Variants in COP1 observed in about 807,000 individuals in gnomAD.
COP1 encodes the protein COP1 E3 ubiquitin ligase, also known as E3 ubiquitin-protein ligase COP1.
Under a neutral mutation model 101.3 loss-of-function variants are expected in COP1, and 24 were observed. That is an observed-to-expected ratio of 0.24 (90% CI 0.17 to 0.33). The LOEUF (loss-of-function observed/expected upper bound fraction) is 0.33, where lower values mean the gene tolerates loss of function less well. Ranked by LOEUF, COP1 falls within the 10% of genes least tolerant of loss-of-function variation. The pLI is 1.00. For missense variants in COP1, 663 were observed against 906.2 expected (o/e 0.73, Z 3.45); for synonymous variants, 347 against 341.9 (o/e 1.01, Z -0.17).
At chr1:176,168,492 G>A (rs1695504176) in intron 3 of COP1, among the ~76,000 whole-genome samples, 1 of 88,612 alleles carries the variant, frequency 1.1e-5, no homozygotes, top group South Asian at 4.8e-4. Flanking sequence ...CAGGAAGGGA[G>A]GGAAGAAGGA....
chr1:176,067,163 T>C (rs1313020887), intron 11 of COP1, among the ~76,000 whole-genome samples: 1 of 152,128 alleles, frequency 6.6e-6, no homozygotes, highest in East Asian at 1.9e-4. Context: ...GACCCCCTCA[T>C]GTAGACTTTG....
At chr1:176,131,711 T>C (rs943123324) in intron 8 of COP1, among the ~76,000 whole-genome samples, 3 of 151,744 alleles carry the variant, frequency 2.0e-5, no homozygotes, top group Non-Finnish European at 4.4e-5. Flanking sequence ...ATGAATAGTA[T>C]TATAAAAGAT....
chr1:176,168,096 C>T (rs1695418095), intron 3 of COP1, among the ~76,000 whole-genome samples: 1 of 151,354 alleles, frequency 6.6e-6, no homozygotes, highest in Admixed American at 6.6e-5. Flanking sequence ...CTCGCCCTGT[C>T]GCCCAGGCTG....
At chr1:176,040,048 A>G (rs1174876931) in intron 14 of COP1, among the ~76,000 whole-genome samples, 3 of 152,230 alleles carry the variant, frequency 2.0e-5, no homozygotes, top group African/African-American at 7.2e-5. Flanking sequence ...GATTTCTTGG[A>G]TATGACACCA....
chr1:176,016,023 A>C (rs1214283026), intron 15 of COP1, among the ~76,000 whole-genome samples: 1 of 152,222 alleles, frequency 6.6e-6, no homozygotes, highest in Non-Finnish European at 1.5e-5. Context: ...ATCAACAGGA[A>C]AATTAACAAA....
chr1:176,168,519 A>AGGGG (rs1695520029), intron 3 of COP1: 1 of 31,390 alleles, frequency 3.2e-5, no homozygotes, highest in African/African-American at 1.2e-4. Flanking sequence ...GGAGGGAGGG[A>AGGGG]GGGAGGGGAA....
chr1:176,142,805 T>C (rs563557343), intron 6 of COP1, among the ~76,000 whole-genome samples: 3 of 151,474 alleles, frequency 2.0e-5, no homozygotes, highest in Admixed American at 6.6e-5. Context: ...TAATGAAAAT[T>C]AGAAATTATT....
At chr1:175,977,873 ATT>A (rs1654949257) in intron 18 of COP1, among the ~76,000 whole-genome samples, 1 of 152,140 alleles carries the variant, frequency 6.6e-6, no homozygotes, top group South Asian at 2.1e-4. Flanking sequence ...TATTACACCA[ATT>A]CAAATAGTAT....
At chr1:175,995,624 C>A (rs1047888694) in intron 15 of COP1, among the ~76,000 whole-genome samples, 5 of 152,176 alleles carry the variant, frequency 3.3e-5, no homozygotes, top group African/African-American at 1.2e-4. Flanking sequence ...AACACCTCTA[C>A]ACAAATAAAC....
chr1:176,179,824 A>T (rs1404792427), intron 2 of COP1, among the ~76,000 whole-genome samples: 1 of 151,802 alleles, frequency 6.6e-6, no homozygotes, highest in Non-Finnish European at 1.5e-5. Context: ...TCCTAATCTT[A>T]TTCCACATCA....
At chr1:176,188,834 TACAC>T (rs10637320) in intron 1 of COP1, among the ~76,000 whole-genome samples, 9 of 148,508 alleles carry the variant, frequency 6.1e-5, no homozygotes, top group South Asian at 2.1e-4. Context: ...AACACATAGA[TACAC>T]ACACACACAC....
chr1:175,953,352 T>C (rs977433697), intron 18 of COP1, among the ~76,000 whole-genome samples: 22 of 151,860 alleles, frequency 1.4e-4, no homozygotes, highest in Non-Finnish European at 1.5e-5. Flanking sequence ...ATGACAGACA[T>C]AAAACCAACT....
At chr1:176,179,696 C>T (rs1697474777) in intron 2 of COP1, among the ~76,000 whole-genome samples, 1 of 152,056 alleles carries the variant, frequency 6.6e-6, no homozygotes. Flanking sequence ...ATGTTTGCAC[C>T]ACTGCACTCC....
intron 12 of COP1, among the ~76,000 whole-genome samples, chr1:176,045,890 C>A (rs1232490077): frequency 5.3e-5 from 8 of 151,632 alleles, no homozygotes. Flanking sequence ...ATTCAGTACT[C>A]CATAGAGTCT....
intron 3 of COP1, 23 bp from the exon 4 acceptor site, chr1:176,163,914 A>C: frequency 6.7e-7 from 1 of 1,488,880 alleles, no homozygotes; most frequent in Non-Finnish European, 9.3e-7. Context: ...ACAAAATAAA[A>C]AGCACACATA....
At chr1:176,019,395 G>A (rs999717365) in intron 15 of COP1, among the ~76,000 whole-genome samples, 41 of 147,610 alleles carry the variant, frequency 2.8e-4, no homozygotes, top group African/African-American at 8.7e-4. Context: ...CCTGGGAGGC[G>A]GAGGTTGCAG....
At chr1:176,160,255 CTTTTTTTTTTT>C (rs67600151) in intron 5 of COP1, 12 of 238,856 alleles carry the variant, frequency 5.0e-5, no homozygotes, top group Admixed American at 4.0e-4. Context: ...CCACACACAT[CTTTTTTTTTTT>C]TTTTTTTTTT....
chr1:175,989,592 C>G lies in COP1; in HGVS notation c.1730-113G>C, dbSNP rs988017475. On this transcript the variant is annotated intron_variant, in intron 15 of 19. Transcript: ENST00000367669. ...AAGTTTCACATATGATGTCTAATCT[C>G]TAACAGCCAGAAAACAAAGGAAAAG... 5.0e-6 allele frequency: 3 copies of G among 597,716 alleles called. No individual in the cohort carries two copies. In the African/African-American group the frequency reaches 5.5e-5, roughly 11 times the overall value. The allele number at this position is 597,716 out of a possible 1,614,324, so 37.0% of individuals were successfully genotyped here.
intron 11 of COP1, among the ~76,000 whole-genome samples, chr1:176,049,442 A>C (rs1672151954): frequency 6.6e-6 from 1 of 152,074 alleles, no homozygotes; most frequent in East Asian, 1.9e-4. Flanking sequence ...TGTTTTTAAA[A>C]ATATTTTGGG....
Sources: allele counts gnomAD v4.1 joint callset (sites outside exome capture counted in the v4.1 genomes callset), GRCh38; gene constraint gnomAD v4.1.1; transcripts MANE v1.5; gene names NCBI Gene and HGNC (gene_info 2026-07-23, HGNC 2026-07-21).